The following EZH2 variants were observed in gnomAD, a reference collection of about 807,000 sequenced individuals.
EZH2 encodes histone-lysine N-methyltransferase EZH2.
A neutral mutation model predicts 98.4 loss-of-function variants in EZH2; 18 were observed. That is an observed-to-expected ratio of 0.18 (90% CI 0.13 to 0.27). The LOEUF is 0.27. Among genes scored for constraint, EZH2 ranks in the 10% least tolerant of loss-of-function variants. The pLI is 1.00. For missense variants in EZH2, 470 were observed against 935.1 expected (o/e 0.50, Z 6.49); for synonymous variants, 338 against 312.3 (o/e 1.08, Z -0.87).
chr7:148,869,191 T>C (rs1447456509), intron 1 of EZH2, among the ~76,000 whole-genome samples: 1 of 152,120 alleles, frequency 6.6e-6, no homozygotes, highest in African/African-American at 2.4e-5. Context: ...ATATAACCAC[T>C]GGATTAAATG....
At chr7:148,877,605 C>A (rs559963498) in intron 1 of EZH2, among the ~76,000 whole-genome samples, 1 of 152,156 alleles carries the variant, frequency 6.6e-6, no homozygotes, top group African/African-American at 2.4e-5. Flanking sequence ...GAGGATAACA[C>A]CCCAGACACA....
At chr7:148,862,026 G>A (rs1045091837) in intron 1 of EZH2, among the ~76,000 whole-genome samples, 2 of 152,036 alleles carry the variant, frequency 1.3e-5, no homozygotes, top group Admixed American at 6.6e-5. Context: ...TGTGGATCTC[G>A]TGCTTTGATA....
chr7:148,863,001 T>A (rs1817918936), intron 1 of EZH2, among the ~76,000 whole-genome samples: 1 of 151,098 alleles, frequency 6.6e-6, no homozygotes, highest in African/African-American at 2.4e-5. Flanking sequence ...CAAGAATCAC[T>A]TGAACCTGGG....
intron 3 of EZH2, among the ~76,000 whole-genome samples, chr7:148,835,550 G>A (rs892143371): frequency 7.2e-5 from 11 of 151,806 alleles, no homozygotes; most frequent in Admixed American, 6.6e-4. Flanking sequence ...GGGGGTGGAG[G>A]TGCTTATAAT....
chr7:148,813,052 T>TACACACACAC (rs142835355), intron 15 of EZH2, among the ~76,000 whole-genome samples: 7 of 132,182 alleles, frequency 5.3e-5, no homozygotes, highest in African/African-American at 2.2e-4. Flanking sequence ...ACACCCCACA[T>TACACACACAC]ACACACACAC....
intron 16 of EZH2, among the ~76,000 whole-genome samples, chr7:148,810,944 C>G (rs1213719799): frequency 6.8e-6 from 1 of 147,254 alleles, no homozygotes; most frequent in South Asian, 2.2e-4. Flanking sequence ...TGGTTCCAAA[C>G]TGAAGCTAGG....
At chr7:148,819,806 G>A (rs766233178) in intron 8 of EZH2, 119 bp from the exon 9 acceptor site, 182 of 818,056 alleles carry the variant, frequency 2.2e-4, no homozygotes, top group Non-Finnish European at 1.4e-4. Context: ...TGTGGTTTAC[G>A]TTACTTCATA....
intron 8 of EZH2, among the ~76,000 whole-genome samples, chr7:148,821,826 G>T (rs1184470335): frequency 5.3e-5 from 8 of 152,136 alleles, no homozygotes; most frequent in African/African-American, 1.2e-4. Flanking sequence ...AAGACCCTGT[G>T]TATGTATGTA....
chr7:148,835,993 T>G (rs1810814649), intron 3 of EZH2, among the ~76,000 whole-genome samples: 1 of 152,206 alleles, frequency 6.6e-6, no homozygotes, highest in African/African-American at 2.4e-5. Context: ...TACGTACTAC[T>G]TCCAGTCCCA....
chr7:148,869,011 T>G (rs954117397), intron 1 of EZH2, among the ~76,000 whole-genome samples: 3 of 152,190 alleles, frequency 2.0e-5, no homozygotes, highest in African/African-American at 7.2e-5. Flanking sequence ...CAATTTAGAT[T>G]TGATTGTTTA....
At chr7:148,862,009 A>G (rs1817749195) in intron 1 of EZH2, among the ~76,000 whole-genome samples, 1 of 152,154 alleles carries the variant, frequency 6.6e-6, no homozygotes, top group African/African-American at 2.4e-5. Flanking sequence ...TAGCCTTCTG[A>G]GGTCATTGTG....
At chr7:148,830,592 A>T (rs1809098869) in intron 4 of EZH2, among the ~76,000 whole-genome samples, 1 of 152,246 alleles carries the variant, frequency 6.6e-6, no homozygotes, top group South Asian at 2.1e-4. Flanking sequence ...ATATGTACTT[A>T]TATGTAAAAT....
At chr7:148,879,584 G>A (rs554991885) in intron 1 of EZH2, among the ~76,000 whole-genome samples, 1 of 152,142 alleles carries the variant, frequency 6.6e-6, no homozygotes, top group East Asian at 1.9e-4. Flanking sequence ...CCAACTACTT[G>A]AGAGGTGAGG....
chr7:148,879,957 TAAATA>T (rs1820737608), intron 1 of EZH2, among the ~76,000 whole-genome samples: 1 of 152,056 alleles, frequency 6.6e-6, no homozygotes, highest in Non-Finnish European at 1.5e-5. Flanking sequence ...ATTAAAAAAT[TAAATA>T]AGTCACCACA....
In EZH2 at chr7:148,807,951, G is replaced by T. The variant is rs889174067; in HGVS notation, c.2196-245C>A. Among the ~76,000 whole-genome samples the T allele has an allele frequency of 1.8e-4, 28 of 152,220 alleles. 1 individual carries two copies. The highest frequency in any genetic ancestry group is 1.6e-3 in the Admixed American group (25 of 15,286). ...GCCAAGTTCTGAAGTGAACAAACCT[G>T]TCTACAAGCATTCCCAGAGCCTGAC... On this transcript the variant is annotated intron_variant, in intron 19 of 19. Coordinates refer to ENST00000320356, the MANE Select transcript of EZH2 (RefSeq NM_004456.5).
chr7:148,858,345 T>A (rs551070104), intron 1 of EZH2, among the ~76,000 whole-genome samples: 1 of 152,154 alleles, frequency 6.6e-6, no homozygotes, highest in Admixed American at 6.5e-5. Flanking sequence ...ATTATTTTTA[T>A]TATTATTTTG....
In EZH2 at chr7:148,827,231, CA is replaced by C; in HGVS notation, c.660del (p.Asp221IlefsTer20). On this transcript the variant is annotated frameshift_variant, in exon 7 of 20. Coordinates refer to ENST00000320356, the MANE Select transcript of EZH2 (RefSeq NM_004456.5). LOFTEE classifies it high-confidence loss of function. ...GAGGAAATGGCTTCAAAAATTTTATCAGAAGGAAATTTCCGAGGTGGGCGGC... is the reference window on the plus strand; with the variant it reads ...GAGGAAATGGCTTCAAAAATTTTATCGAAGGAAATTTCCGAGGTGGGCGGC... ...KESRPPRKFP[S>X]DKIFEAISSM... is the part of the protein sequence containing the mutation. The C allele has an allele frequency of 6.2e-7, 1 of 1,613,690 alleles. No homozygotes were observed. Among genetic ancestry groups the C allele is most frequent in the Non-Finnish European group, 8.5e-7 (1 of 1,179,824 alleles).
chr7:148,860,066 A>G (rs1817442369), intron 1 of EZH2, among the ~76,000 whole-genome samples: 1 of 152,230 alleles, frequency 6.6e-6, no homozygotes, highest in Non-Finnish European at 1.5e-5. Context: ...AAGCTCTAAC[A>G]TTGACTATTT....
At chr7:148,822,144 TAGAA>T (rs149477082) in intron 8 of EZH2, among the ~76,000 whole-genome samples, 7,323 of 152,274 alleles carry the variant, frequency 0.048, 260 homozygotes, top group Middle Eastern at 0.082. Context: ...TAAAACATAC[TAGAA>T]AAAGTGAGAA....
Sources: allele counts gnomAD v4.1 joint callset (sites outside exome capture counted in the v4.1 genomes callset), GRCh38; gene constraint gnomAD v4.1.1; transcripts MANE v1.5; gene names NCBI Gene and HGNC (gene_info 2026-07-23, HGNC 2026-07-21).